HMCN1: variants seen among roughly 807,000 people sequenced by gnomAD.
HMCN1 encodes the protein hemicentin 1.
A neutral mutation model predicts 625.9 loss-of-function variants in HMCN1; 321 were observed. The observed-to-expected ratio is 0.51, with a 90% CI of 0.47 to 0.56. The LOEUF is 0.56. Among genes scored for constraint, HMCN1 ranks in the 20% least tolerant of loss-of-function variants. The pLI, the probability that HMCN1 is intolerant of heterozygous loss-of-function variation, is 0.00. For synonymous variants in HMCN1, 2,425 were observed against 2,417.6 expected (o/e 1.00, Z -0.09); for missense variants, 6,588 against 6,887.3 (o/e 0.96, Z 1.54).
chr1:186,082,732 C>T (rs1659239781), intron 56 of HMCN1, 133 bp from the exon 57 acceptor site: 1 of 408,586 alleles, frequency 2.4e-6, no homozygotes, highest in Non-Finnish European at 4.3e-6. Context: ...AGCATCAGCA[C>T]TAGTATGTAC....
intron 86 of HMCN1, among the ~76,000 whole-genome samples, chr1:186,136,001 T>A (rs1278246844): frequency 6.6e-6 from 1 of 152,256 alleles, no homozygotes; most frequent in African/African-American, 2.4e-5. Flanking sequence ...GAATAAATGA[T>A]GGCCAGTGGT....
chr1:185,734,790 G>A lies in HMCN1; in HGVS notation c.11G>A (p.Trp4Ter), dbSNP rs1426953928. Residue 4 changes from tryptophan to a stop codon, truncating the protein, a stop_gained, in exon 1 of 107, where the codon TGG becomes TAG. Coordinates refer to ENST00000271588, the MANE Select transcript of HMCN1 (RefSeq NM_031935.3). LOFTEE classifies it high-confidence loss of function. The part of the protein sequence containing the change: MIS[W>*]EVVHTVFLFA... ...GGGAAAAAAAAGAAAATGATTTCCT[G>A]GGAAGTTGTCCATACAGTATTCCTG... is the stretch of plus-strand genomic sequence containing the variant. 1 of 1,614,134 alleles carries A rather than the reference G, an allele frequency of 6.2e-7. No homozygotes were observed. The highest frequency in any genetic ancestry group is 8.5e-7 in the Non-Finnish European group (1 of 1,179,992).
At chr1:186,012,519 A>G (rs994415959) in intron 30 of HMCN1, among the ~76,000 whole-genome samples, 1 of 152,132 alleles carries the variant, frequency 6.6e-6, no homozygotes. Flanking sequence ...TTGTCTTAAA[A>G]AAAAATTTAC....
rs145772673 is a variant in HMCN1 at position 186,189,743 on chromosome 1, G to A, written c.16773G>A (p.Val5591=). ...ALRDENLKGV[V]YTTRPLREAE... ...GGGATGAAAACCTGAAAGGAGTGGTGTATACAACACGACCACTACGAGAAG... is the reference window on the plus strand; with the variant it reads ...GGGATGAAAACCTGAAAGGAGTGGTATATACAACACGACCACTACGAGAAG... The change falls in exon 107 of 107, where the codon GTG becomes GTA. Residue 5591 remains valine, a synonymous_variant. Transcript: ENST00000271588. 244 of 1,613,558 alleles carry A rather than the reference G, an allele frequency of 1.5e-4. No individual in the cohort carries two copies. The highest frequency in any genetic ancestry group is 1.9e-4 in the Non-Finnish European group (227 of 1,179,802).
chr1:185,848,318 T>G (rs905266807), intron 2 of HMCN1, among the ~76,000 whole-genome samples: 6 of 152,236 alleles, frequency 3.9e-5, no homozygotes, highest in Non-Finnish European at 5.9e-5. Context: ...TCATACTGAA[T>G]AGACATCTCT....
intron 100 of HMCN1, among the ~76,000 whole-genome samples, chr1:186,170,692 T>C (rs1415771996): frequency 6.6e-6 from 1 of 151,926 alleles, no homozygotes; most frequent in Non-Finnish European, 1.5e-5. Context: ...TTTTCTTCAG[T>C]GAGAGAAGAG....
chr1:186,064,299 A>G (rs1657965084), intron 48 of HMCN1, among the ~76,000 whole-genome samples: 1 of 152,000 alleles, frequency 6.6e-6, no homozygotes, highest in African/African-American at 2.4e-5. Context: ...AATATTTAAC[A>G]TAGATCTCAT....
chr1:185,973,057 A>G (rs1417063044), intron 15 of HMCN1, among the ~76,000 whole-genome samples: 1 of 152,144 alleles, frequency 6.6e-6, no homozygotes, highest in African/African-American at 2.4e-5. Flanking sequence ...GGTTAAGTAA[A>G]TGGTGGACTC....
intron 98 of HMCN1, 58 bp downstream of exon 98, chr1:186,165,231 C>A: frequency 7.1e-7 from 1 of 1,403,974 alleles, no homozygotes; most frequent in Non-Finnish European, 1.0e-6. Flanking sequence ...TATTGGATAG[C>A]ATTTAATGGG....
chr1:186,182,087 A>G (rs1652968296), intron 104 of HMCN1, 81 bp from the exon 105 acceptor site: 21 of 1,527,170 alleles, frequency 1.4e-5, no homozygotes, highest in Non-Finnish European at 1.9e-5. Flanking sequence ...ATGTATATCA[A>G]CAACTTGATG....
intron 2 of HMCN1, among the ~76,000 whole-genome samples, chr1:185,856,386 A>C (rs1277131929): frequency 6.6e-6 from 1 of 151,338 alleles, no homozygotes; most frequent in Non-Finnish European, 1.5e-5. Flanking sequence ...GCTACTCGGG[A>C]GGCTGAGGCA....
intron 55 of HMCN1, among the ~76,000 whole-genome samples, chr1:186,080,586 C>G (rs1193411101): frequency 2.0e-5 from 3 of 152,140 alleles, no homozygotes; most frequent in Admixed American, 6.5e-5. Context: ...TAAAGATCAC[C>G]TGAAGAGCTT....
chr1:185,759,930 T>A (rs1655383734), intron 1 of HMCN1, among the ~76,000 whole-genome samples: 2 of 152,202 alleles, frequency 1.3e-5, no homozygotes, highest in African/African-American at 4.8e-5. Flanking sequence ...CCAGCCATTA[T>A]TAATAACACC....
chr1:185,818,512 G>T (rs981346580), intron 1 of HMCN1, among the ~76,000 whole-genome samples: 7 of 152,024 alleles, frequency 4.6e-5, no homozygotes, highest in Admixed American at 6.6e-5. Flanking sequence ...TTTAAAATTT[G>T]TAATTGTATA....
Position 186,064,809 on chromosome 1 carries a change from CAA to C in HMCN1, c.7514-411_7514-410del, listed in dbSNP as rs541377417. Among the ~76,000 whole-genome samples, 5 of 95,540 alleles carry C rather than the reference CAA, an allele frequency of 5.2e-5. No homozygotes were observed. In the East Asian group the frequency reaches 1.1e-3, roughly 22 times the overall value. The allele number at this position is 95,540 out of a possible 152,430, so 62.7% of individuals were successfully genotyped here. A position where few individuals can be genotyped will look rare whatever the true frequency, so the allele number is the denominator to read the frequency against. ...TGGGTCACAGAGTGAGACTTCATCT[CAA>C]AAAAAAAAAAAAAAAAAGTATATGA... On this transcript the variant is annotated intron_variant, in intron 48 of 106. Transcript: ENST00000271588.
At chr1:185,940,610 A>C (rs1432787204) in intron 11 of HMCN1, among the ~76,000 whole-genome samples, 1 of 152,168 alleles carries the variant, frequency 6.6e-6, no homozygotes, top group African/African-American at 2.4e-5. Context: ...ATTATAGCAC[A>C]CTCCCAAATC....
At chr1:185,747,121 C>G (rs1260717560) in intron 1 of HMCN1, among the ~76,000 whole-genome samples, 1 of 152,134 alleles carries the variant, frequency 6.6e-6, no homozygotes, top group Non-Finnish European at 1.5e-5. Flanking sequence ...AACCAAAACT[C>G]TAACTCTTTT....
chr1:186,130,229 G>A lies in HMCN1; in HGVS notation c.13039+129G>A, dbSNP rs988780175. ...ATCCACTCAGTCCTATTTCACAGAT[G>A]TACAAATTCATGAGAAAAAAATTAT... On this transcript the variant is annotated intron_variant, in intron 84 of 106. Transcript: ENST00000271588. 4 of 1,278,614 alleles carry A rather than the reference G, an allele frequency of 3.1e-6. No homozygotes were observed. In the South Asian group the frequency reaches 5.4e-5, roughly 17 times the overall value. The allele number at this position is 1,278,614 out of a possible 1,614,324, so 79.2% of individuals were successfully genotyped here.
chr1:186,017,697 T>A (rs1654453122), intron 33 of HMCN1, among the ~76,000 whole-genome samples: 1 of 152,040 alleles, frequency 6.6e-6, no homozygotes. Flanking sequence ...GTTTTAAGAT[T>A]GTGTATGTTT....
Sources: gnomAD v4.1 joint callset for allele counts (sites outside exome capture counted in the v4.1 genomes callset) on GRCh38, gnomAD v4.1.1 for gene constraint, MANE v1.5 for transcripts, NCBI Gene and HGNC (gene_info 2026-07-23, HGNC 2026-07-21) for gene names.